Variants in PRPF38A observed in about 807,000 individuals in gnomAD.
PRPF38A encodes the protein pre-mRNA processing factor 38A.
In PRPF38A, 11 loss-of-function variants were observed where a neutral mutation model predicts 46.8. The ratio of observed to expected loss-of-function variants is 0.24; its 90% confidence interval spans 0.15 to 0.39. The LOEUF (loss-of-function observed/expected upper bound fraction) is 0.39, where lower values mean the gene tolerates loss of function less well. Ranked by LOEUF, PRPF38A falls within the 10% of genes least tolerant of loss-of-function variation. PRPF38A has a pLI of 1.00. For synonymous variants in PRPF38A, 124 were observed against 136.2 expected, an observed-to-expected ratio of 0.91 and a Z score of 0.62; for missense variants, 261 against 407.5, an observed-to-expected ratio of 0.64 and a Z score of 3.10.
intron 5 of PRPF38A, 62 bp from the exon 6 acceptor site, chr1:52,413,817 G>A (rs1182018494): frequency 3.8e-6 from 4 of 1,065,580 alleles, no homozygotes; most frequent in African/African-American, 3.1e-5. Flanking sequence ...AGTATAATTA[G>A]TGTTCCTAGA....
intron 9 of PRPF38A, 86 bp from the exon 10 acceptor site, chr1:52,416,562 G>A: frequency 2.0e-6 from 2 of 980,736 alleles, no homozygotes; most frequent in Non-Finnish European, 3.2e-6. Context: ...GCCTACCTTG[G>A]CATCCCAAAG....
rs1304973011 is a variant in PRPF38A at position 52,413,893 on chromosome 1, A to G, written c.624A>G (p.Pro208=). The G allele has an allele frequency of 2.5e-6, 4 of 1,612,986 alleles. No homozygotes were observed. The highest frequency in any genetic ancestry group is 3.4e-6 in the Non-Finnish European group (4 of 1,179,130). ...EEEDEKLERV[P]SPDHRRRSYR... The stretch of plus-strand genomic sequence containing the variant: ...CTTGTTTCCAGTTGGAAAGAGTGCC[A>G]TCACCTGATCACCGCCGGAGAAGCT... Residue 208 remains proline, a synonymous_variant, in exon 6 of 10, where the codon CCA becomes CCG. Transcript: ENST00000257181.
Position 52,413,963 on chromosome 1 carries a change from A to G in PRPF38A, c.694A>G (p.Arg232Gly). Residue 232 changes from arginine (R) to glycine (G), a missense_variant, in exon 6 of 10, where the codon AGG becomes GGG. By Grantham distance (125) the Arg-to-Gly change is moderately radical (BLOSUM62 -2). Around this residue, in one of 2 missense-constraint regions of PRPF38A, gnomAD observed 180 missense variants for 221.0 expected, o/e 0.81. Transcript: ENST00000257181. ...KPRRSPTLRY[R>G]RSRSRSPRRR... ...CCGTCGCTCTCCCACACTGCGCTAC[A>G]GGAGGAGTAGGAGCCGGTCTCCCAG... 4 of 1,613,602 alleles carry G rather than the reference A, an allele frequency of 2.5e-6. No homozygotes were observed. In the South Asian group the frequency reaches 3.3e-5, roughly 13 times the overall value.
In PRPF38A at chr1:52,418,950, G is replaced by A. The variant is rs968614624; in HGVS notation, c.*2260G>A. On this transcript the variant is annotated 3_prime_UTR_variant, in exon 10 of 10. Coordinates refer to ENST00000257181, the MANE Select transcript of PRPF38A (RefSeq NM_032864.4). Reference sequence around the variant, plus strand: ...TAATATTGGATGAAACCACTTAATCGATTTCACTTCCAATAATTTGAAATA... The same window carrying A: ...TAATATTGGATGAAACCACTTAATCAATTTCACTTCCAATAATTTGAAATA... 1 of 152,130 alleles carries A rather than the reference G, an allele frequency of 6.6e-6. No homozygotes were observed. Among genetic ancestry groups the A allele is most frequent in the African/African-American group, 2.4e-5 (1 of 41,418 alleles). 9.4% of individuals were successfully genotyped at this position (152,130 alleles called of 1,614,324 possible).
At chr1:52,411,061 G>T in intron 3 of PRPF38A, 54 bp from the exon 4 acceptor site, 1 of 1,294,508 alleles carries the variant, frequency 7.7e-7, no homozygotes. Context: ...TTTACTTTTT[G>T]GCATCTAAAT....
rs114221813 is a variant in PRPF38A, at chr1:52,412,205, C to G, written c.499-309C>G. Reference sequence around the variant, plus strand: ...GAACTTATTAGCCCTTGGATTTTCTCTGTGTGTGAAGCCCTTACTTTTGGT... The same window carrying G: ...GAACTTATTAGCCCTTGGATTTTCTGTGTGTGTGAAGCCCTTACTTTTGGT... On this transcript the variant is annotated intron_variant, in intron 4 of 9. Transcript: ENST00000257181. Among the ~76,000 whole-genome samples the G allele has an allele frequency of 7.7e-3, 1,167 of 152,282 alleles. 10 individuals carry two copies. Among genetic ancestry groups the G allele is most frequent in the African/African-American group, 0.023 (960 of 41,554 alleles).
rs6665054 is a variant in PRPF38A, at chr1:52,408,442, A to G, written c.291-127A>G. ...CTTTCTTCTGCTGCATTCTACCTCC[A>G]CAATTGCAGCTTTCTTACCTGCCAA... On this transcript the variant is annotated intron_variant, in intron 2 of 9. Coordinates refer to ENST00000257181, the MANE Select transcript of PRPF38A (RefSeq NM_032864.4). The G allele has an allele frequency of 0.02, 25,044 of 1,280,872 alleles. 3,367 individuals carry two copies. The African/African-American group carries it at 0.31, about 16-fold the overall frequency. 79.3% of individuals were successfully genotyped at this position (1,280,872 alleles called of 1,614,324 possible). A position where few individuals can be genotyped will look rare whatever the true frequency, so the allele number is the denominator to read the frequency against.
At chr1:52,415,226 C>A in intron 8 of PRPF38A, 112 bp from the exon 9 acceptor site, 1 of 1,082,892 alleles carries the variant, frequency 9.2e-7, no homozygotes. Context: ...GAGGTGTCCC[C>A]TGCATAGGCC....
At chr1:52,409,825 T>C (rs996167234) in intron 3 of PRPF38A, among the ~76,000 whole-genome samples, 1 of 152,054 alleles carries the variant, frequency 6.6e-6, no homozygotes. Flanking sequence ...TTGGGTCATA[T>C]AACTTTTGTG....
intron 9 of PRPF38A, 78 bp from the exon 10 acceptor site, chr1:52,416,570 A>G (rs1648298195): frequency 8.9e-7 from 1 of 1,124,058 alleles, no homozygotes; most frequent in South Asian, 1.3e-5. Flanking sequence ...TGGCATCCCA[A>G]AGTGCTGGGA....
chr1:52,413,980 G>T lies in PRPF38A; in HGVS notation c.711G>T (p.Arg237=), dbSNP rs1466208013. 3 of 1,611,466 alleles carry T rather than the reference G, an allele frequency of 1.9e-6. No individual in the cohort carries two copies. The highest frequency in any genetic ancestry group is 2.5e-6 in the Non-Finnish European group (3 of 1,177,646). ...PTLRYRRSRS[R]SPRRRSRSPK... ...TGCGCTACAGGAGGAGTAGGAGCCGGTCTCCCAGAAGGTAAAGCCTAGTCA... is the reference window on the plus strand; with the variant it reads ...TGCGCTACAGGAGGAGTAGGAGCCGTTCTCCCAGAAGGTAAAGCCTAGTCA... The change falls in exon 6 of 10, where the codon CGG becomes CGT. Residue 237 remains arginine (R), a synonymous_variant. Coordinates refer to ENST00000257181, the MANE Select transcript of PRPF38A (RefSeq NM_032864.4).
rs1201596769 is a variant in PRPF38A at position 52,405,651 on chromosome 1, T to C, written c.131-29T>C. ...CCAACTAGGAAGAGCTTAGCCCTAA[T>C]ATGTTACTGTATTGTTTTTGTTTTT... On this transcript the variant is annotated intron_variant, in intron 1 of 9. Coordinates refer to ENST00000257181, the MANE Select transcript of PRPF38A (RefSeq NM_032864.4). The C allele has an allele frequency of 2.5e-6, 4 of 1,610,180 alleles. No individual in the cohort carries two copies. In the Admixed American group the frequency reaches 6.7e-5, roughly 27 times the overall value.
At chr1:52,405,568 C>T (rs1647959525) in intron 1 of PRPF38A, 112 bp from the exon 2 acceptor site, 2 of 930,488 alleles carry the variant, frequency 2.1e-6, no homozygotes, top group South Asian at 1.6e-5. Context: ...CATTCGTTCT[C>T]CTAATATTAC....
At chr1:52,407,078 C>T (rs143782908) in intron 2 of PRPF38A, among the ~76,000 whole-genome samples, 1,950 of 152,268 alleles carry the variant, frequency 0.013, 36 homozygotes, top group African/African-American at 0.044. Context: ...AGTGCAGTGG[C>T]GCAGTCTCGG....
At position 52,411,220 on chromosome 1, in the gene PRPF38A, TAC is replaced by T. The variant is rs545496460; in HGVS notation, c.498+21_498+22del. The T allele has an allele frequency of 5.4e-3, 8,459 of 1,567,266 alleles. 29 individuals carry two copies. Among genetic ancestry groups the T allele is most frequent in the Non-Finnish European group, 6.6e-3 (7,486 of 1,138,932 alleles). On this transcript the variant is annotated intron_variant, in intron 4 of 9. Coordinates refer to ENST00000257181, the MANE Select transcript of PRPF38A (RefSeq NM_032864.4). Reference sequence around the variant, plus strand: ...CTACAGGTAAGAAATAAAAGTCTGTTACCAGAGTCACCCTTCTCTTCCTAGAC... The same window carrying T: ...CTACAGGTAAGAAATAAAAGTCTGTTCAGAGTCACCCTTCTCTTCCTAGAC...
intron 2 of PRPF38A, among the ~76,000 whole-genome samples, chr1:52,407,320 C>T (rs1648026001): frequency 6.6e-6 from 1 of 152,296 alleles, no homozygotes; most frequent in South Asian, 2.1e-4. Context: ...CTGGCTGGAA[C>T]GACTCTAATA....
chr1:52,410,809 A>G (rs1479665389), intron 3 of PRPF38A, among the ~76,000 whole-genome samples: 1 of 152,176 alleles, frequency 6.6e-6, no homozygotes, highest in Non-Finnish European at 1.5e-5. Flanking sequence ...GCCAGTTCTC[A>G]AAAGCTATCA....
intron 9 of PRPF38A, 91 bp from the exon 10 acceptor site, chr1:52,416,557 C>T: frequency 2.1e-6 from 2 of 934,312 alleles, no homozygotes; most frequent in Non-Finnish European, 3.4e-6. Context: ...GATCTGCCTA[C>T]CTTGGCATCC....
chr1:52,407,117 A>G (rs1381100235), intron 2 of PRPF38A, among the ~76,000 whole-genome samples: 3 of 152,142 alleles, frequency 2.0e-5, no homozygotes, highest in Admixed American at 6.5e-5. Flanking sequence ...TCCTGGGTTC[A>G]TGCCATTCTC....
Sources: allele counts gnomAD v4.1 joint callset (sites outside exome capture counted in the v4.1 genomes callset), GRCh38; gene constraint gnomAD v4.1.1; regional missense constraint gnomAD v4.1.1; transcripts MANE v1.5; gene names NCBI Gene and HGNC (gene_info 2026-07-23, HGNC 2026-07-21).